Variants in MEI4 observed in about 807,000 individuals in gnomAD.
MEI4 encodes the protein meiotic double-stranded break formation protein 4.
Under a neutral mutation model 31.4 loss-of-function variants are expected in MEI4, and 27 were observed. The observed-to-expected ratio is 0.86, with a 90% CI of 0.63 to 1.19. The LOEUF is 1.19. Among genes scored for constraint, MEI4 ranks in the 50% most tolerant of loss-of-function variants. MEI4 has a pLI of 0.00. For missense variants in MEI4, 329 were observed against 398.9 expected (o/e 0.82, Z 1.49); for synonymous variants, 122 against 145.4 (o/e 0.84, Z 1.16).
At chr6:77,903,567 C>T (rs1275129860) in intron 4 of MEI4, among the ~76,000 whole-genome samples, 1 of 152,068 alleles carries the variant, frequency 6.6e-6, no homozygotes, top group African/African-American at 2.4e-5. Context: ...AACATCTGTA[C>T]TATGTTGAAT....
Position 77,923,969 on chromosome 6 carries a change from G to A in MEI4, c.*623G>A, listed in dbSNP as rs1766779401. 1.3e-5 allele frequency: 2 copies of A among 151,432 alleles called. No individual in the cohort carries two copies. The highest frequency in any genetic ancestry group is 4.2e-4 in the South Asian group (2 of 4,814). 9.4% of individuals were successfully genotyped at this position (151,432 alleles called of 1,614,324 possible). A position where few individuals can be genotyped will look rare whatever the true frequency, so the allele number is the denominator to read the frequency against. On this transcript the variant is annotated 3_prime_UTR_variant, in exon 5 of 5. Transcript: ENST00000684080. The stretch of plus-strand genomic sequence containing the variant: ...ATACTATTAATTAGTTGTTTAAAAT[G>A]TTCTTTGTTTTTCAACAAATACTTG...
At chr6:77,774,934 A>G (rs1441066285) in intron 3 of MEI4, among the ~76,000 whole-genome samples, 2 of 152,078 alleles carry the variant, frequency 1.3e-5, no homozygotes, top group African/African-American at 2.4e-5. Flanking sequence ...ATACAGGGCC[A>G]CATATCTTCC....
At chr6:77,665,892 G>A (rs572101537) in intron 1 of MEI4, among the ~76,000 whole-genome samples, 1 of 152,312 alleles carries the variant, frequency 6.6e-6, no homozygotes, top group African/African-American at 2.4e-5. Context: ...GCTGGTCGGT[G>A]TGAGGACCTG....
intron 4 of MEI4, among the ~76,000 whole-genome samples, chr6:77,903,141 T>C (rs1018779801): frequency 1.3e-5 from 2 of 152,130 alleles, no homozygotes; most frequent in African/African-American, 2.4e-5. Context: ...TTTTATTTCC[T>C]TTTTTTCTTT....
intron 3 of MEI4, among the ~76,000 whole-genome samples, chr6:77,811,656 T>A (rs1769576501): frequency 6.6e-6 from 1 of 151,880 alleles, no homozygotes; most frequent in African/African-American, 2.4e-5. Flanking sequence ...ACACCTTTAA[T>A]CCCAGCTACT....
chr6:77,762,616 A>G (rs1272744727), intron 3 of MEI4, among the ~76,000 whole-genome samples: 2 of 152,192 alleles, frequency 1.3e-5, no homozygotes, highest in East Asian at 3.8e-4. Context: ...ATGATCTAAC[A>G]TTTAGGGTTT....
chr6:77,871,915 A>T (rs1171708502), intron 4 of MEI4, among the ~76,000 whole-genome samples: 1 of 152,102 alleles, frequency 6.6e-6, no homozygotes, highest in Non-Finnish European at 1.5e-5. Context: ...TAGGACATCT[A>T]CATTTCTAGA....
At chr6:77,861,097 C>A (rs978881963) in intron 4 of MEI4, among the ~76,000 whole-genome samples, 2 of 152,178 alleles carry the variant, frequency 1.3e-5, no homozygotes, top group Non-Finnish European at 2.9e-5. Context: ...CTGAATTGAT[C>A]CTTCCCATCC....
At chr6:77,816,588 C>T (rs922442534) in intron 3 of MEI4, among the ~76,000 whole-genome samples, 1 of 152,044 alleles carries the variant, frequency 6.6e-6, no homozygotes, top group Non-Finnish European at 1.5e-5. Flanking sequence ...GTGAATAGTG[C>T]CGCAATAAAC....
chr6:77,756,423 G>T (rs1479398244), intron 2 of MEI4, among the ~76,000 whole-genome samples: 1 of 152,084 alleles, frequency 6.6e-6, no homozygotes, highest in African/African-American at 2.4e-5. Context: ...CAGTGTAAAT[G>T]CTATTTGTAG....
At chr6:77,915,719 A>G (rs1766530090) in intron 4 of MEI4, among the ~76,000 whole-genome samples, 2 of 151,930 alleles carry the variant, frequency 1.3e-5, no homozygotes, top group South Asian at 4.1e-4. Flanking sequence ...TTTTACTGCA[A>G]TGTAATATAC....
intron 4 of MEI4, among the ~76,000 whole-genome samples, chr6:77,844,644 C>T (rs1197157164): frequency 6.6e-6 from 1 of 151,930 alleles, no homozygotes; most frequent in Non-Finnish European, 1.5e-5. Context: ...GTTTTTAATT[C>T]TAAAATTTAA....
chr6:77,754,901 C>G (rs940542430), intron 2 of MEI4, among the ~76,000 whole-genome samples: 4 of 152,116 alleles, frequency 2.6e-5, no homozygotes, highest in Non-Finnish European at 5.9e-5. Flanking sequence ...CAATCACCTC[C>G]CACCAGGCCT....
chr6:77,777,477 T>G (rs1414588108), intron 3 of MEI4, among the ~76,000 whole-genome samples: 1 of 152,058 alleles, frequency 6.6e-6, no homozygotes, highest in Non-Finnish European at 1.5e-5. Flanking sequence ...CCACAATCAG[T>G]AAAAGACTGG....
intron 1 of MEI4, among the ~76,000 whole-genome samples, chr6:77,658,523 A>AT (rs1013430090): frequency 1.3e-5 from 2 of 151,832 alleles, no homozygotes; most frequent in Non-Finnish European, 2.9e-5. Flanking sequence ...GGCGGTGAAA[A>AT]TTTTTTGGGG....
intron 1 of MEI4, among the ~76,000 whole-genome samples, chr6:77,683,267 C>T (rs1582019628): frequency 6.6e-6 from 1 of 151,444 alleles, no homozygotes; most frequent in African/African-American, 2.4e-5. Flanking sequence ...TTTATTTTTC[C>T]AGCTTTATTA....
intron 1 of MEI4, among the ~76,000 whole-genome samples, chr6:77,680,508 T>C (rs1161303160): frequency 1.3e-5 from 2 of 152,072 alleles, no homozygotes; most frequent in East Asian, 3.9e-4. Flanking sequence ...TCCTGAGTTA[T>C]GGCTAACCTG....
intron 4 of MEI4, among the ~76,000 whole-genome samples, chr6:77,917,002 T>C (rs1465716806): frequency 2.0e-5 from 3 of 148,364 alleles, no homozygotes; most frequent in African/African-American, 5.0e-5. Flanking sequence ...TTCCCACCTA[T>C]GAGTGAGAAT....
intron 3 of MEI4, among the ~76,000 whole-genome samples, chr6:77,803,439 A>T (rs995162904): frequency 3.3e-5 from 5 of 152,116 alleles, no homozygotes; most frequent in African/African-American, 1.2e-4. Context: ...AGCTCAGAGT[A>T]GTTTGATCGT....
Sources: gnomAD v4.1 joint callset for allele counts (sites outside exome capture counted in the v4.1 genomes callset) on GRCh38, gnomAD v4.1.1 for gene constraint, MANE v1.5 for transcripts, NCBI Gene and HGNC (gene_info 2026-07-23, HGNC 2026-07-21) for gene names.